CACNA2D2: variants seen among roughly 807,000 people sequenced by gnomAD.
The protein encoded by CACNA2D2 is calcium voltage-gated channel auxiliary subunit alpha2delta 2.
In CACNA2D2, 48 loss-of-function variants were observed where a neutral mutation model predicts 166.4. The observed-to-expected ratio is 0.29, with a 90% CI of 0.23 to 0.37. The LOEUF (loss-of-function observed/expected upper bound fraction) is 0.37, where lower values mean the gene tolerates loss of function less well. Ranked by LOEUF, CACNA2D2 falls within the 10% of genes least tolerant of loss-of-function variation. The probability of loss-of-function intolerance (pLI) is 1.00; values close to 1 mark genes in which losing one functional copy is unlikely to be tolerated. For missense variants in CACNA2D2, 1,122 were observed against 1,433.0 expected, an observed-to-expected ratio of 0.78 and a Z score of 3.50; for synonymous variants, 561 against 573.7, an observed-to-expected ratio of 0.98 and a Z score of 0.32.
intron 3 of CACNA2D2, among the ~76,000 whole-genome samples, chr3:50,424,781 C>T (rs1707728946): frequency 6.6e-6 from 1 of 152,172 alleles, no homozygotes; most frequent in African/African-American, 2.4e-5. Flanking sequence ...GAGCCAGGGT[C>T]AAGGTGGAGT....
At chr3:50,482,866 C>T (rs1292193930) in intron 1 of CACNA2D2, among the ~76,000 whole-genome samples, 1 of 152,204 alleles carries the variant, frequency 6.6e-6, no homozygotes, top group African/African-American at 2.4e-5. Flanking sequence ...CAGGTTTCAG[C>T]AGCTTTGGGG....
At chr3:50,435,591 T>C (rs1453708122) in intron 2 of CACNA2D2, among the ~76,000 whole-genome samples, 1 of 135,386 alleles carries the variant, frequency 7.4e-6, no homozygotes. Context: ...ATAAGGTCGG[T>C]AGAGTGACAG....
At chr3:50,436,135 G>A (rs1016796632) in intron 2 of CACNA2D2, among the ~76,000 whole-genome samples, 6 of 152,154 alleles carry the variant, frequency 3.9e-5, no homozygotes, top group Middle Eastern at 3.4e-3. Flanking sequence ...GGCAAAGCCA[G>A]ATCCCCCATC....
chr3:50,376,180 G>A lies in CACNA2D2; in HGVS notation c.1635C>T (p.Ala545=). ...GGTCAATGGCAAACACATAGCCGTTGGCTCCAAGCTGGAGGCACAGATTGG... is the reference window on the plus strand; with the variant it reads ...GGTCAATGGCAAACACATAGCCGTTAGCTCCAAGCTGGAGGCACAGATTGG... ...KRLTPNYTLG[A]NGYVFAIDLN... The change falls in exon 18 of 38, where the codon GCC becomes GCT. Residue 545 remains alanine, a synonymous_variant. Transcript: ENST00000424201. This position sits in a 1 kb window ranked among gnomAD's most constrained non-coding sequence, Gnocchi z 4.3. 6.2e-7 allele frequency: 1 copy of A among 1,613,418 alleles called. No individual in the cohort carries two copies. Among genetic ancestry groups the A allele is most frequent in the African/African-American group, 1.3e-5 (1 of 75,050 alleles).
rs1276196263 is a variant in CACNA2D2, at chr3:50,376,636, C to A, written c.1627-448G>T. Among the ~76,000 whole-genome samples, 1 of 152,168 alleles carries A rather than the reference C, an allele frequency of 6.6e-6. No individual in the cohort carries two copies. The highest frequency in any genetic ancestry group is 2.4e-5 in the African/African-American group (1 of 41,444). ...CGGAATCCTACCTGGGGCTTCCCTTCCAGGTGGAAGGGAAGTAGGAGTAAG... is the reference window on the plus strand; with the variant it reads ...CGGAATCCTACCTGGGGCTTCCCTTACAGGTGGAAGGGAAGTAGGAGTAAG... On this transcript the variant is annotated intron_variant, in intron 17 of 37. Transcript: ENST00000424201. The surrounding 1 kb of genome is among the most constrained non-coding windows in gnomAD (Gnocchi z 4.3).
chr3:50,379,639 C>G lies in CACNA2D2; in HGVS notation c.994-49G>C. The G allele has an allele frequency of 6.2e-7, 1 of 1,612,222 alleles. No homozygotes were observed. Among genetic ancestry groups the G allele is most frequent in the Non-Finnish European group, 8.5e-7 (1 of 1,178,820 alleles). On this transcript the variant is annotated intron_variant, in intron 10 of 37. Transcript: ENST00000424201. The surrounding 1 kb of genome is among the most constrained non-coding windows in gnomAD (Gnocchi z 6.5). ...GTGGCCTCAGGCTGGCCGGGGTAGG[C>G]AGCTATTGCATGGGGCTGGTGATGG...
rs1441276798 is a variant in CACNA2D2 at position 50,376,869 on chromosome 3, C to T, written c.1626+598G>A. Among the ~76,000 whole-genome samples the T allele has an allele frequency of 1.3e-5, 2 of 152,200 alleles. No individual in the cohort carries two copies. The highest frequency in any genetic ancestry group is 4.8e-5 in the African/African-American group (2 of 41,442). On this transcript the variant is annotated intron_variant, in intron 17 of 37. Transcript: ENST00000424201. This position sits in a 1 kb window ranked among gnomAD's most constrained non-coding sequence, Gnocchi z 4.3. Reference sequence around the variant, plus strand: ...GCAGGCGCTGGGCCAGCCACAATGCCATCTTGCCCCTACCCTGGTTTATGA... The same window carrying T: ...GCAGGCGCTGGGCCAGCCACAATGCTATCTTGCCCCTACCCTGGTTTATGA...
At chr3:50,370,189 C>A (rs374145383) in intron 23 of CACNA2D2, 131 bp downstream of exon 23, 7 of 687,718 alleles carry the variant, frequency 1.0e-5, no homozygotes, top group African/African-American at 8.9e-5. Context: ...GCATACCGGG[C>A]GATGTATGGG....
chr3:50,436,099 G>A (rs1334203514), intron 2 of CACNA2D2, among the ~76,000 whole-genome samples: 1 of 152,188 alleles, frequency 6.6e-6, no homozygotes, highest in African/African-American at 2.4e-5. Flanking sequence ...AACAGGAGAG[G>A]GAAGGTCAAG....
intron 1 of CACNA2D2, 52 bp from the exon 2 acceptor site, chr3:50,476,251 C>T (rs747526685): frequency 2.8e-6 from 4 of 1,450,954 alleles, no homozygotes; most frequent in African/African-American, 2.8e-5. Flanking sequence ...CAGAGCTGCA[C>T]AGCCCCACCC....
rs1202192825 is a variant in CACNA2D2 at position 50,427,136 on chromosome 3, T to C, written c.405+7177A>G. ...CCCTTCCGCAGACATCCAGGCCACC[T>C]CGTCCAAGGAGCCCTCTCTGACTCC... On this transcript the variant is annotated intron_variant, in intron 3 of 37. Coordinates refer to ENST00000424201, the MANE Select transcript of CACNA2D2 (RefSeq NM_006030.4). This position sits in a 1 kb window ranked among gnomAD's most constrained non-coding sequence, Gnocchi z 4.7. 6.6e-6 allele frequency among the ~76,000 whole-genome samples: 1 copy of C among 152,198 alleles called. No homozygotes were observed. Among genetic ancestry groups the C allele is most frequent in the Non-Finnish European group, 1.5e-5 (1 of 68,044 alleles).
intron 23 of CACNA2D2, among the ~76,000 whole-genome samples, chr3:50,369,695 C>T (rs934489994): frequency 2.0e-5 from 3 of 152,228 alleles, no homozygotes; most frequent in Non-Finnish European, 1.5e-5. Context: ...CAAAGGCAGA[C>T]GGTGTGTACA....
At chr3:50,456,929 A>C (rs908481475) in intron 2 of CACNA2D2, among the ~76,000 whole-genome samples, 1 of 152,198 alleles carries the variant, frequency 6.6e-6, no homozygotes, top group South Asian at 2.1e-4. Context: ...TTCAGAGTTC[A>C]CTAGTGGAAT....
At chr3:50,432,090 G>GT (rs1708096286) in intron 3 of CACNA2D2, among the ~76,000 whole-genome samples, 1 of 152,108 alleles carries the variant, frequency 6.6e-6, no homozygotes, top group East Asian at 1.9e-4. Flanking sequence ...AGAGACATCT[G>GT]TCTCCCTCAC....
At chr3:50,396,526 G>A (rs1225117604) in intron 3 of CACNA2D2, among the ~76,000 whole-genome samples, 1 of 152,072 alleles carries the variant, frequency 6.6e-6, no homozygotes, top group African/African-American at 2.4e-5. Flanking sequence ...AACCACAAAT[G>A]CCTGCCCACG....
intron 1 of CACNA2D2, among the ~76,000 whole-genome samples, chr3:50,486,686 C>T (rs1250560690): frequency 1.3e-5 from 2 of 152,198 alleles, no homozygotes; most frequent in Non-Finnish European, 2.9e-5. Flanking sequence ...TAGGTTTCCC[C>T]TACCCTCTTC....
chr3:50,487,045 C>T (rs1698316262), intron 1 of CACNA2D2, among the ~76,000 whole-genome samples: 1 of 152,220 alleles, frequency 6.6e-6, no homozygotes, highest in South Asian at 2.1e-4. Context: ...CAGGCGCAGG[C>T]CAGTTCATGC....
chr3:50,427,277 C>T lies in CACNA2D2; in HGVS notation c.405+7036G>A, dbSNP rs190562356. 5.2e-3 allele frequency among the ~76,000 whole-genome samples: 786 copies of T among 152,298 alleles called. 16 individuals are homozygous for T. The highest frequency in any genetic ancestry group is 0.018 in the African/African-American group (733 of 41,556). ...CTCTTTGGCTGCCTCCCTCTGTAGG[C>T]GGAGGGCCCCAAGGGTGCCCACACA... On this transcript the variant is annotated intron_variant, in intron 3 of 37. Transcript: ENST00000424201. The surrounding 1 kb of genome is among the most constrained non-coding windows in gnomAD (Gnocchi z 4.7).
At chr3:50,478,357 G>A (rs1697893400) in intron 1 of CACNA2D2, among the ~76,000 whole-genome samples, 1 of 152,194 alleles carries the variant, frequency 6.6e-6, no homozygotes, top group African/African-American at 2.4e-5. Context: ...AGCCCTGGGG[G>A]CTAATGTTGG....
Sources: gnomAD v4.1 joint callset for allele counts (sites outside exome capture counted in the v4.1 genomes callset) on GRCh38, gnomAD v4.1.1 for gene constraint, Gnocchi (gnomAD v3.1) non-coding constraint, MANE v1.5 for transcripts, NCBI Gene and HGNC (gene_info 2026-07-23, HGNC 2026-07-21) for gene names.